The following TBC1D8 variants were observed in gnomAD, a reference collection of about 807,000 sequenced individuals.
TBC1D8 encodes the protein TBC1 domain family member 8.
TBC1D8 carries 65 observed loss-of-function variants against 118.8 expected under a neutral mutation model. The ratio of observed to expected loss-of-function variants is 0.55; its 90% CI spans 0.45 to 0.67. TBC1D8 has a LOEUF of 0.67. TBC1D8 is among the 30% of genes least tolerant of loss of function. The probability of loss-of-function intolerance (pLI) is 0.00; values close to 1 mark genes in which losing one functional copy is unlikely to be tolerated. For missense variants in TBC1D8, 1,376 were observed against 1,471.2 expected, an observed-to-expected ratio of 0.94 and a Z score of 1.06; for synonymous variants, 566 against 595.8, an observed-to-expected ratio of 0.95 and a Z score of 0.73.
At position 101,029,784 on chromosome 2, in the gene TBC1D8, A is replaced by G. The variant is rs1029312372; in HGVS notation, c.1937-8T>C. On this transcript the variant is annotated splice_polypyrimidine_tract_variant and splice_region_variant and intron_variant, in intron 11 of 19. Transcript: ENST00000409318. ...ACTGGTCAACTTGTGCCCCTGGAAAAGAAAGGGCACAGGGCTCTGGCTGGG... is the reference window on the plus strand; with the variant it reads ...ACTGGTCAACTTGTGCCCCTGGAAAGGAAAGGGCACAGGGCTCTGGCTGGG... 1 of 1,611,550 alleles carries G rather than the reference A, an allele frequency of 6.2e-7. No homozygotes were observed. Among genetic ancestry groups the G allele is most frequent in the South Asian group, 1.1e-5 (1 of 90,996 alleles).
intron 5 of TBC1D8, among the ~76,000 whole-genome samples, chr2:101,048,025 T>C (rs1681817394): frequency 6.6e-6 from 1 of 152,220 alleles, no homozygotes; most frequent in Non-Finnish European, 1.5e-5. Context: ...ATCCCAGCGC[T>C]GTGGGGCTGG....
intron 1 of TBC1D8, among the ~76,000 whole-genome samples, chr2:101,116,234 C>A (rs2104220430): frequency 1.3e-5 from 2 of 152,190 alleles, no homozygotes; most frequent in South Asian, 4.1e-4. Flanking sequence ...CCACAAGGGC[C>A]CTGAGAATGC....
At chr2:101,108,424 T>C (rs1461629861) in intron 1 of TBC1D8, among the ~76,000 whole-genome samples, 1 of 152,206 alleles carries the variant, frequency 6.6e-6, no homozygotes, top group Non-Finnish European at 1.5e-5. Context: ...TATTCATTTG[T>C]TACTGCTGCC....
At chr2:101,107,544 C>T (rs963921188) in intron 1 of TBC1D8, among the ~76,000 whole-genome samples, 2 of 152,098 alleles carry the variant, frequency 1.3e-5, no homozygotes, top group African/African-American at 4.8e-5. Context: ...CATGCATATA[C>T]ACAAGAGTAA....
intron 17 of TBC1D8, 139 bp downstream of exon 17, chr2:101,021,542 C>T: frequency 1.6e-6 from 1 of 626,634 alleles, no homozygotes; most frequent in Non-Finnish European, 2.7e-6. Flanking sequence ...AAACCTGTGA[C>T]CTGAAACCCC....
chr2:101,033,857 GTTAC>G (rs1680832683), intron 9 of TBC1D8, 99 bp from the exon 10 acceptor site: 3 of 1,333,878 alleles, frequency 2.2e-6, no homozygotes, highest in Non-Finnish European at 2.0e-6. Flanking sequence ...GTGGGGTCTC[GTTAC>G]TTACTGAGGG....
intron 2 of TBC1D8, among the ~76,000 whole-genome samples, chr2:101,067,686 G>A (rs1259726363): frequency 6.6e-6 from 1 of 152,190 alleles, no homozygotes; most frequent in African/African-American, 2.4e-5. Flanking sequence ...TTGCCTTAAT[G>A]TTGATGGCTG....
chr2:101,125,839 C>A (rs370424599), intron 1 of TBC1D8, among the ~76,000 whole-genome samples: 1 of 152,270 alleles, frequency 6.6e-6, no homozygotes, highest in East Asian at 1.9e-4. Context: ...GAAACATTCC[C>A]GAACTTCATT....
intron 4 of TBC1D8, 137 bp from the exon 5 acceptor site, chr2:101,050,778 A>G: frequency 9.6e-7 from 1 of 1,042,908 alleles, no homozygotes; most frequent in Non-Finnish European, 1.4e-6. Flanking sequence ...AAGTTCAGGG[A>G]TACAGGGATA....
intron 3 of TBC1D8, among the ~76,000 whole-genome samples, chr2:101,055,395 T>TA (rs1682362825): frequency 6.6e-6 from 1 of 151,216 alleles, no homozygotes; most frequent in African/African-American, 2.5e-5. Context: ...AAAAAAAAGT[T>TA]AGTCTTTTGA....
chr2:101,123,519 G>C (rs558465327), intron 1 of TBC1D8, among the ~76,000 whole-genome samples: 49 of 152,200 alleles, frequency 3.2e-4, no homozygotes, highest in Non-Finnish European at 6.3e-4. Context: ...AAACCAGTGT[G>C]CACGGCTAAG....
intron 16 of TBC1D8, among the ~76,000 whole-genome samples, 155 bp downstream of exon 16, chr2:101,022,126 C>T (rs751141566): frequency 6.6e-6 from 1 of 152,142 alleles, no homozygotes. Context: ...CTGAGAGGGG[C>T]CTGCAGAGTG....
At chr2:101,105,468 A>C (rs191006421) in intron 1 of TBC1D8, among the ~76,000 whole-genome samples, 3 of 151,724 alleles carry the variant, frequency 2.0e-5, no homozygotes, top group Non-Finnish European at 2.9e-5. Flanking sequence ...TCGTGCCTGT[A>C]ATCCCAGTTA....
intron 2 of TBC1D8, among the ~76,000 whole-genome samples, chr2:101,084,847 C>CT (rs1440737635): frequency 9.5e-6 from 1 of 104,904 alleles, no homozygotes; most frequent in South Asian, 3.3e-4. Context: ...TGGGTATTCA[C>CT]TATTTTTTTT....
chr2:101,028,347 A>AG lies in TBC1D8; in HGVS notation c.2307dup (p.Tyr770LeufsTer5). 6.2e-7 allele frequency: 1 copy of AG among 1,612,926 alleles called. No individual in the cohort carries two copies. The highest frequency in any genetic ancestry group is 8.5e-7 in the Non-Finnish European group (1 of 1,179,462). ...AGGTCCGAAATATCAGTCACAGGGT[A>AG]GGGCTCCTGGTCGTCGGAGAAAAAG... On this transcript the variant is annotated frameshift_variant, in exon 13 of 20. Coordinates refer to ENST00000409318, the MANE Select transcript of TBC1D8 (RefSeq NM_001330348.2). LOFTEE classifies it high-confidence loss of function.
At chr2:101,011,664 T>C in intron 17 of TBC1D8, 124 bp from the exon 18 acceptor site, 1 of 961,018 alleles carries the variant, frequency 1.0e-6, no homozygotes, top group Non-Finnish European at 1.6e-6. Context: ...CTGTAGTTTT[T>C]GCAGGGTCCA....
At chr2:101,081,344 T>C (rs1184485091) in intron 2 of TBC1D8, among the ~76,000 whole-genome samples, 2 of 152,140 alleles carry the variant, frequency 1.3e-5, no homozygotes, top group Non-Finnish European at 2.9e-5. Context: ...AACGTGGCAC[T>C]TTCCTTTCTT....
chr2:101,124,414 C>T (rs1360081565), intron 1 of TBC1D8, among the ~76,000 whole-genome samples: 1 of 152,164 alleles, frequency 6.6e-6, no homozygotes, highest in Non-Finnish European at 1.5e-5. Context: ...ATAAGGGTTG[C>T]TTGCAGGCTA....
intron 10 of TBC1D8, chr2:101,033,046 G>T (rs1240097011): frequency 4.3e-6 from 1 of 235,108 alleles, no homozygotes; most frequent in African/African-American, 2.2e-5. Flanking sequence ...AGCTCAAGAG[G>T]GGTGTTGAAG....
Sources: gnomAD v4.1 joint callset for allele counts (sites outside exome capture counted in the v4.1 genomes callset) on GRCh38, gnomAD v4.1.1 for gene constraint, MANE v1.5 for transcripts, NCBI Gene and HGNC (gene_info 2026-07-23, HGNC 2026-07-21) for gene names.